Variants in LMAN1 observed in about 807,000 individuals in gnomAD.
The protein encoded by LMAN1 is lectin, mannose binding 1.
Under a neutral mutation model 67.8 loss-of-function variants are expected in LMAN1, and 32 were observed. That is an observed-to-expected ratio of 0.47 (90% CI 0.36 to 0.63). The LOEUF is 0.63. LMAN1 is among the 30% of genes least tolerant of loss of function. The probability of loss-of-function intolerance (pLI) is 0.00; values close to 1 mark genes in which losing one functional copy is unlikely to be tolerated. For missense variants in LMAN1, 632 were observed against 628.2 expected (o/e 1.01, Z -0.06); for synonymous variants, 235 against 219.3 (o/e 1.07, Z -0.63).
chr18:59,357,504 A>G (rs1908686438), intron 1 of LMAN1, among the ~76,000 whole-genome samples: 4 of 150,688 alleles, frequency 2.7e-5, no homozygotes, highest in Non-Finnish European at 5.9e-5. Flanking sequence ...CTTGTGTTTG[A>G]TATCATTTGC....
At chr18:59,332,261 C>T (rs938944560) in intron 11 of LMAN1, among the ~76,000 whole-genome samples, 2 of 151,934 alleles carry the variant, frequency 1.3e-5, no homozygotes, top group Non-Finnish European at 2.9e-5. Flanking sequence ...AGAAAAATAA[C>T]CTCAAACAGA....
chr18:59,345,997 A>T lies in LMAN1; in HGVS notation c.877T>A (p.Phe293Ile). The part of the protein sequence containing the change: ...EKEKEKYQEE[F>I]EHFQQELDKK... ...TCCAATTCTTGTTGAAAGTGCTCAA[A>T]TTCCTCCTGATACTTTTCTTTTTCC... Residue 293 changes from phenylalanine to isoleucine, a missense_variant, in exon 8 of 13, where the codon TTT (phenylalanine) becomes ATT (isoleucine). Physicochemically the swap from Phe to Ile is conservative, Grantham distance 21 (BLOSUM62 0). Transcript: ENST00000251047. 1.2e-6 allele frequency: 2 copies of T among 1,613,546 alleles called. No individual in the cohort carries two copies.
In LMAN1 at chr18:59,347,503, G is replaced by A; in HGVS notation, c.822+10C>T. The A allele has an allele frequency of 3.7e-6, 6 of 1,602,944 alleles. No homozygotes were observed. The highest frequency in any genetic ancestry group is 1.7e-5 in the Admixed American group (1 of 59,692). ...ACTGATAAAGTTTTTGAAAATATGT[G>A]TAAAATTACCGGCTCTTTTCCAGGT... On this transcript the variant is annotated intron_variant, in intron 7 of 12. Coordinates refer to ENST00000251047, the MANE Select transcript of LMAN1 (RefSeq NM_005570.4).
At chr18:59,344,573 T>C (rs1453031540) in intron 8 of LMAN1, among the ~76,000 whole-genome samples, 1 of 151,836 alleles carries the variant, frequency 6.6e-6, no homozygotes, top group Admixed American at 6.6e-5. Context: ...TCAAATACCA[T>C]ACATTCTCAC....
intron 6 of LMAN1, among the ~76,000 whole-genome samples, chr18:59,348,838 C>T (rs1908477571): frequency 6.6e-6 from 1 of 152,200 alleles, no homozygotes; most frequent in South Asian, 2.1e-4. Context: ...ATAGCCTCTA[C>T]TTTAAATATG....
At chr18:59,336,654 C>T (rs1365256905) in intron 10 of LMAN1, among the ~76,000 whole-genome samples, 1 of 152,146 alleles carries the variant, frequency 6.6e-6, no homozygotes, top group African/African-American at 2.4e-5. Context: ...GAGGCAGAGG[C>T]AGGAGGACTG....
chr18:59,348,671 T>A (rs1908474686), intron 6 of LMAN1, among the ~76,000 whole-genome samples: 1 of 152,202 alleles, frequency 6.6e-6, no homozygotes, highest in Admixed American at 6.5e-5. Flanking sequence ...AAATAACCTT[T>A]CCTTAGGTTG....
At chr18:59,331,369 T>G (rs1477948941) in intron 12 of LMAN1, 49 bp downstream of exon 12, 1 of 1,539,672 alleles carries the variant, frequency 6.5e-7, no homozygotes, top group Admixed American at 1.7e-5. Flanking sequence ...ATATTTCTAA[T>G]TAAACAGATG....
intron 6 of LMAN1, among the ~76,000 whole-genome samples, chr18:59,348,899 T>G (rs750268478): frequency 6.6e-6 from 1 of 152,232 alleles, no homozygotes; most frequent in Non-Finnish European, 1.5e-5. Context: ...TTGACACACT[T>G]GTATACAGCC....
At chr18:59,352,812 C>T (rs1020571847) in intron 5 of LMAN1, 2 of 303,568 alleles carry the variant, frequency 6.6e-6, no homozygotes, top group Non-Finnish European at 1.3e-5. Flanking sequence ...AGGAATGATA[C>T]ATTTGTGTGT....
intron 10 of LMAN1, among the ~76,000 whole-genome samples, chr18:59,335,766 C>A (rs1908132961): frequency 2.0e-5 from 3 of 152,110 alleles, no homozygotes; most frequent in Admixed American, 1.3e-4. Flanking sequence ...AAAAAGAGAA[C>A]TACACTAAGA....
In LMAN1 at chr18:59,349,168, C is replaced by G; in HGVS notation, c.708G>C (p.Met236Ile). Residue 236 changes from methionine (M) to isoleucine (I), a missense_variant, in exon 6 of 13, where the codon ATG becomes ATC. Physicochemically the swap from Met to Ile is conservative, Grantham distance 10. Transcript: ENST00000251047. ...CAAAATGCCCTTGTGCAGGGATAAT[C>G]ATATTTTCCACTTTGGCACAAAATT... ...DYEFCAKVEN[M>I]IIPAQGHFGI... 6.2e-7 allele frequency: 1 copy of G among 1,613,822 alleles called. No homozygotes were observed. Among genetic ancestry groups the G allele is most frequent in the Admixed American group, 1.7e-5 (1 of 60,028 alleles).
chr18:59,350,565 G>T (rs1465696303), intron 5 of LMAN1, among the ~76,000 whole-genome samples: 1 of 151,948 alleles, frequency 6.6e-6, no homozygotes, highest in Non-Finnish European at 1.5e-5. Flanking sequence ...TGTGATCTCG[G>T]CTCACTGCAA....
Position 59,333,198 on chromosome 18 carries a change from G to T in LMAN1, c.1267C>A (p.Pro423Thr), listed in dbSNP as rs1354902985. 1.9e-6 allele frequency: 3 copies of T among 1,613,508 alleles called. No homozygotes were observed. The Admixed American group carries it at 5.0e-5, about 27-fold the overall frequency. Residue 423 changes from proline to threonine, a missense_variant, in exon 11 of 13, where the codon CCT becomes ACT. Transcript: ENST00000251047. The part of the protein sequence containing the change: ...TVRLVSGMQH[P>T]GSAGGVYETT... ...TCATAGACGCCTCCAGCAGAGCCAG[G>T]GTGCTGCATTCCACTGACCAGTCTG...
At chr18:59,339,666 G>A (rs1908243366) in intron 8 of LMAN1, among the ~76,000 whole-genome samples, 1 of 152,188 alleles carries the variant, frequency 6.6e-6, no homozygotes, top group Non-Finnish European at 1.5e-5. Context: ...AGATACTGGG[G>A]ATCTACAGAC....
chr18:59,344,203 T>G (rs1004471790), intron 8 of LMAN1, among the ~76,000 whole-genome samples: 9 of 152,146 alleles, frequency 5.9e-5, no homozygotes, highest in African/African-American at 2.2e-4. Flanking sequence ...GAATGTAAAT[T>G]AGTACAACCT....
chr18:59,342,296 A>T (rs1318403621), intron 8 of LMAN1, among the ~76,000 whole-genome samples: 1 of 152,026 alleles, frequency 6.6e-6, no homozygotes, highest in African/African-American at 2.4e-5. Flanking sequence ...CACTGAGGAG[A>T]GAATTCCCCC....
chr18:59,329,989 G>A lies in LMAN1; in HGVS notation c.*1104C>T, dbSNP rs2070737779. 6.6e-6 allele frequency: 1 copy of A among 152,108 alleles called. No homozygotes were observed. Among genetic ancestry groups the A allele is most frequent in the Non-Finnish European group, 1.5e-5 (1 of 68,006 alleles). 9.4% of individuals were successfully genotyped at this position (152,108 alleles called of 1,614,324 possible). A position where few individuals can be genotyped will look rare whatever the true frequency, so the allele number is the denominator to read the frequency against. On this transcript the variant is annotated 3_prime_UTR_variant, in exon 13 of 13. Coordinates refer to ENST00000251047, the MANE Select transcript of LMAN1 (RefSeq NM_005570.4). ...ACAAAGACTATAAAAACTCCTTCCA[G>A]TCTGACATTTCAAGGTTAAGTTTAC...
chr18:59,344,451 A>G (rs1159817970), intron 8 of LMAN1, among the ~76,000 whole-genome samples: 1 of 152,122 alleles, frequency 6.6e-6, no homozygotes, highest in Non-Finnish European at 1.5e-5. Flanking sequence ...GTATATATGT[A>G]TGTATATACT....
Sources: allele counts gnomAD v4.1 joint callset (sites outside exome capture counted in the v4.1 genomes callset), GRCh38; gene constraint gnomAD v4.1.1; transcripts MANE v1.5; gene names NCBI Gene and HGNC (gene_info 2026-07-23, HGNC 2026-07-21).